Variants in NMNAT3 observed in about 807,000 individuals in gnomAD.
The protein encoded by NMNAT3 is nicotinamide/nicotinic acid mononucleotide adenylyltransferase 3.
NMNAT3 carries 21 observed loss-of-function variants against 24.8 expected under a neutral mutation model. The ratio of observed to expected loss-of-function variants is 0.85; its 90% CI spans 0.60 to 1.22. The LOEUF (loss-of-function observed/expected upper bound fraction) is 1.22, where lower values mean the gene tolerates loss of function less well. Ranked by LOEUF, NMNAT3 falls within the 50% of genes most tolerant of loss-of-function variation. The pLI is 0.00. For missense variants in NMNAT3, 387 were observed against 436.6 expected (o/e 0.89, Z 1.01); for synonymous variants, 136 against 155.2 (o/e 0.88, Z 0.92).
At chr3:139,624,119 C>G (rs1425890205) in intron 3 of NMNAT3, among the ~76,000 whole-genome samples, 1 of 152,126 alleles carries the variant, frequency 6.6e-6, no homozygotes, top group Non-Finnish European at 1.5e-5. Context: ...TGTTTTTCAT[C>G]TGTTCATTTG....
intron 1 of NMNAT3, among the ~76,000 whole-genome samples, chr3:139,673,155 C>T (rs1207097276): frequency 6.6e-6 from 1 of 152,138 alleles, no homozygotes; most frequent in Non-Finnish European, 1.5e-5. Context: ...CAAATAGGCT[C>T]TCAGGTGGAC....
At chr3:139,637,697 GC>G (rs753603201) in intron 2 of NMNAT3, 4 of 152,048 alleles carry the variant, frequency 2.6e-5, no homozygotes, top group Admixed American at 6.6e-5. Context: ...TGCTTCTTGG[GC>G]CTCTGTTTAT....
intron 2 of NMNAT3, among the ~76,000 whole-genome samples, chr3:139,631,118 C>G (rs1188396129): frequency 6.6e-6 from 1 of 152,104 alleles, no homozygotes; most frequent in Non-Finnish European, 1.5e-5. Context: ...ATAAGTGCCT[C>G]TCTTTCTTTT....
intron 1 of NMNAT3, among the ~76,000 whole-genome samples, chr3:139,649,350 A>AAAC (rs2056979912): frequency 8.8e-6 from 1 of 114,136 alleles, no homozygotes; most frequent in African/African-American, 3.1e-5. Flanking sequence ...AACAAACAAA[A>AAAC]AAACTGGCTT....
At chr3:139,615,751 C>A (rs2055470233) in intron 3 of NMNAT3, among the ~76,000 whole-genome samples, 1 of 152,080 alleles carries the variant, frequency 6.6e-6, no homozygotes, top group South Asian at 2.1e-4. Flanking sequence ...AAGAAATCTA[C>A]TTATTAGAGT....
chr3:139,602,530 A>G (rs958248234), intron 3 of NMNAT3, among the ~76,000 whole-genome samples: 2 of 152,232 alleles, frequency 1.3e-5, no homozygotes, highest in Non-Finnish European at 2.9e-5. Context: ...TGCAAATTCC[A>G]GATTGTAACC....
intron 5 of NMNAT3, 80 bp from the exon 6 acceptor site, chr3:139,573,760 C>T (rs1938828968): frequency 2.7e-6 from 2 of 745,292 alleles, no homozygotes; most frequent in South Asian, 2.1e-5. Flanking sequence ...GATTTTGTCT[C>T]AGCCTGCTTT....
At chr3:139,576,235 GT>G (rs1338824423) in intron 5 of NMNAT3, 6 of 984,658 alleles carry the variant, frequency 6.1e-6, no homozygotes, top group Non-Finnish European at 7.2e-6. Context: ...TGGATTTTCA[GT>G]CTTAAAAAAC....
chr3:139,629,605 T>G (rs946409222), intron 2 of NMNAT3, among the ~76,000 whole-genome samples: 3 of 152,206 alleles, frequency 2.0e-5, no homozygotes, highest in Non-Finnish European at 4.4e-5. Flanking sequence ...CCTGCAGTTC[T>G]GGGGGCAACA....
chr3:139,575,911 TCA>T (rs1369919683), intron 5 of NMNAT3: 1 of 1,285,888 alleles, frequency 7.8e-7, no homozygotes, highest in Admixed American at 2.3e-5. Context: ...AAGCATGGCT[TCA>T]GAGCTCCACA....
At chr3:139,590,850 G>C (rs897759748) in intron 3 of NMNAT3, among the ~76,000 whole-genome samples, 1 of 151,888 alleles carries the variant, frequency 6.6e-6, no homozygotes, top group African/African-American at 2.4e-5. Context: ...TCTTTATTTA[G>C]ATTATATCAT....
At chr3:139,581,471 CTAAT>C (rs1381537652) in intron 4 of NMNAT3, among the ~76,000 whole-genome samples, 1 of 151,334 alleles carries the variant, frequency 6.6e-6, no homozygotes, top group Non-Finnish European at 1.5e-5. Context: ...ACAGATAACA[CTAAT>C]TGTAGCATAT....
At chr3:139,674,177 C>T (rs1261640636) in intron 1 of NMNAT3, among the ~76,000 whole-genome samples, 1 of 152,230 alleles carries the variant, frequency 6.6e-6, no homozygotes, top group African/African-American at 2.4e-5. Context: ...ATCCCAGGCA[C>T]TTCCACCCAA....
At chr3:139,646,447 T>C (rs933434466) in intron 1 of NMNAT3, among the ~76,000 whole-genome samples, 1 of 152,192 alleles carries the variant, frequency 6.6e-6, no homozygotes, top group Non-Finnish European at 1.5e-5. Context: ...GGTGGGGCAG[T>C]CCACGTAGGC....
intron 1 of NMNAT3, among the ~76,000 whole-genome samples, chr3:139,655,242 A>G (rs2057200737): frequency 6.6e-6 from 1 of 152,190 alleles, no homozygotes; most frequent in South Asian, 2.1e-4. Flanking sequence ...CTCTATGTTG[A>G]CAAGGTCAAA....
At chr3:139,656,138 T>G (rs180895962) in intron 1 of NMNAT3, among the ~76,000 whole-genome samples, 1 of 152,282 alleles carries the variant, frequency 6.6e-6, no homozygotes, top group African/African-American at 2.4e-5. Context: ...TGGCTGGGGA[T>G]GGAGTTGAGG....
At chr3:139,634,296 A>G (rs1329129873) in intron 2 of NMNAT3, 2 of 152,250 alleles carry the variant, frequency 1.3e-5, no homozygotes, top group African/African-American at 4.8e-5. Context: ...AGGCCCGGGA[A>G]AGTGGCTGAA....
chr3:139,622,144 T>C (rs2055805279), intron 3 of NMNAT3, among the ~76,000 whole-genome samples: 1 of 152,202 alleles, frequency 6.6e-6, no homozygotes. Flanking sequence ...TTTTAGTTTT[T>C]TGAGATATCT....
chr3:139,575,796 G>T (rs1020504165), intron 5 of NMNAT3: 2 of 1,188,946 alleles, frequency 1.7e-6, no homozygotes. Context: ...GGTGTCCTCA[G>T]CAGTCCCACT....
Sources: allele counts gnomAD v4.1 joint callset (sites outside exome capture counted in the v4.1 genomes callset), GRCh38; gene constraint gnomAD v4.1.1; transcripts MANE v1.5; gene names NCBI Gene and HGNC (gene_info 2026-07-23, HGNC 2026-07-21).